The following PHF14 variants were observed in gnomAD, a reference collection of about 807,000 sequenced individuals.
The protein encoded by PHF14 is PHD finger protein 14.
A neutral mutation model predicts 117.9 loss-of-function variants in PHF14; 55 were observed. The ratio of observed to expected loss-of-function variants is 0.47; its 90% CI spans 0.38 to 0.58. The LOEUF is 0.58. Ranked by LOEUF, PHF14 falls within the 20% of genes least tolerant of loss-of-function variation. The pLI is 0.00. For missense variants in PHF14, 978 were observed against 1,122.2 expected (o/e 0.87, Z 1.84); for synonymous variants, 409 against 368.6 (o/e 1.11, Z -1.26).
At chr7:11,087,307 C>G (rs1331976188) in intron 16 of PHF14, among the ~76,000 whole-genome samples, 1 of 151,772 alleles carries the variant, frequency 6.6e-6, no homozygotes, top group Non-Finnish European at 1.5e-5. Flanking sequence ...TTTTTCTGCC[C>G]CAGCCTCCCG....
intron 14 of PHF14, among the ~76,000 whole-genome samples, chr7:11,052,211 G>GT (rs1784870439): frequency 6.6e-6 from 1 of 152,074 alleles, no homozygotes; most frequent in South Asian, 2.1e-4. Context: ...ATTTTTGTAG[G>GT]TTTTGAATTT....
intron 17 of PHF14, among the ~76,000 whole-genome samples, chr7:11,120,775 A>G (rs1787728978): frequency 6.6e-6 from 1 of 152,092 alleles, no homozygotes; most frequent in Non-Finnish European, 1.5e-5. Context: ...TTATAAGTAG[A>G]GAGAATGATA....
chr7:11,040,155 C>G (rs576982744), intron 11 of PHF14, among the ~76,000 whole-genome samples: 1 of 152,000 alleles, frequency 6.6e-6, no homozygotes, highest in African/African-American at 2.4e-5. Context: ...AGATGTGGGC[C>G]CACCAGGCCA....
chr7:11,149,438 A>G (rs886731156), intron 17 of PHF14, among the ~76,000 whole-genome samples: 5 of 151,158 alleles, frequency 3.3e-5, no homozygotes, highest in Non-Finnish European at 5.9e-5. Flanking sequence ...TCTACAGACT[A>G]AAAAAAAATG....
chr7:11,040,507 A>G (rs1784467093), intron 11 of PHF14, among the ~76,000 whole-genome samples, 165 bp from the exon 12 acceptor site: 1 of 152,128 alleles, frequency 6.6e-6, no homozygotes, highest in Non-Finnish European at 1.5e-5. Flanking sequence ...AATAACTATT[A>G]GAAAAAAGCT....
At chr7:10,997,729 A>G (rs1358726729) in intron 4 of PHF14, among the ~76,000 whole-genome samples, 2 of 152,194 alleles carry the variant, frequency 1.3e-5, no homozygotes, top group Non-Finnish European at 1.5e-5. Flanking sequence ...TCAGTTTCCT[A>G]CTGCATGGAC....
chr7:11,155,569 G>A (rs1293560232), intron 17 of PHF14, among the ~76,000 whole-genome samples: 3 of 152,008 alleles, frequency 2.0e-5, no homozygotes, highest in African/African-American at 7.2e-5. Flanking sequence ...ATGTCTCATT[G>A]CATTAGTCAT....
At chr7:11,110,209 A>T (rs1436936656) in intron 16 of PHF14, 1 of 151,858 alleles carries the variant, frequency 6.6e-6, no homozygotes, top group Non-Finnish European at 1.5e-5. Context: ...CTAAAAGGTT[A>T]TTGAATAGTA....
intron 2 of PHF14, 89 bp downstream of exon 2, chr7:10,975,034 C>T (rs898579739): frequency 1.0e-4 from 74 of 720,768 alleles, no homozygotes; most frequent in South Asian, 9.3e-4. Context: ...ATTAAAATGC[C>T]AATTTTAAGT....
chr7:10,988,642 A>C (rs145736005), intron 3 of PHF14, among the ~76,000 whole-genome samples: 4 of 150,510 alleles, frequency 2.7e-5, no homozygotes, highest in Admixed American at 6.7e-5. Context: ...GGAGCTTGCA[A>C]CTTTTCTTTT....
At chr7:10,989,527 AACTT>A (rs1361951583) in intron 3 of PHF14, among the ~76,000 whole-genome samples, 16 of 152,298 alleles carry the variant, frequency 1.1e-4, no homozygotes, top group African/African-American at 3.6e-4. Context: ...TCATTTTCTT[AACTT>A]ACTTAAAGTT....
chr7:11,124,390 G>A (rs1168885486), intron 17 of PHF14, among the ~76,000 whole-genome samples: 1 of 151,988 alleles, frequency 6.6e-6, no homozygotes, highest in Non-Finnish European at 1.5e-5. Flanking sequence ...ATTTTTAAGT[G>A]CTGTACAATT....
chr7:10,977,629 A>G (rs1207638290), intron 2 of PHF14, among the ~76,000 whole-genome samples: 1 of 152,174 alleles, frequency 6.6e-6, no homozygotes, highest in East Asian at 1.9e-4. Context: ...TTTTATTTTT[A>G]ATGCAAAAGC....
At chr7:11,151,061 A>T (rs1376961348) in intron 17 of PHF14, among the ~76,000 whole-genome samples, 1 of 152,138 alleles carries the variant, frequency 6.6e-6, no homozygotes, top group Non-Finnish European at 1.5e-5. Context: ...AAAGCAAAAT[A>T]GAATCTTAGA....
At chr7:11,058,511 T>A (rs950342767) in intron 14 of PHF14, among the ~76,000 whole-genome samples, 1 of 152,208 alleles carries the variant, frequency 6.6e-6, no homozygotes, top group African/African-American at 2.4e-5. Flanking sequence ...GAAATATTAG[T>A]AATGTGATAA....
Position 11,045,336 on chromosome 7 carries a change from C to G in PHF14, c.2312+2522C>G, listed in dbSNP as rs3823874. Among the ~76,000 whole-genome samples, 83 of 152,196 alleles carry G rather than the reference C, an allele frequency of 5.5e-4. 1 individual carries two copies. The East Asian group carries it at 0.011, about 21-fold the overall frequency. Reference sequence around the variant, plus strand: ...ATCACTAGGGTCCTGTTACTGGACTCTTATTTCATGACTGTGCCTTAGTCT... The same window carrying G: ...ATCACTAGGGTCCTGTTACTGGACTGTTATTTCATGACTGTGCCTTAGTCT... On this transcript the variant is annotated intron_variant, in intron 13 of 17. Coordinates refer to ENST00000634607, the MANE Select transcript of PHF14 (RefSeq NM_001007157.2).
At chr7:11,123,079 G>T (rs964281730) in intron 17 of PHF14, among the ~76,000 whole-genome samples, 4 of 151,946 alleles carry the variant, frequency 2.6e-5, no homozygotes, top group African/African-American at 9.7e-5. Context: ...CATTTCTTTG[G>T]TTTTTTTGAT....
chr7:11,055,767 A>G lies in PHF14; in HGVS notation c.2481+3987A>G, dbSNP rs78714121. Among the ~76,000 whole-genome samples, 826 of 152,252 alleles carry G rather than the reference A, an allele frequency of 5.4e-3. 5 individuals are homozygous for G. Among genetic ancestry groups the G allele is most frequent in the African/African-American group, 0.019 (781 of 41,554 alleles). ...TTTTAACTAATTTTACGCATATACA[A>G]AGTACCTATTTAATAATGTTTAAGC... On this transcript the variant is annotated intron_variant, in intron 14 of 17. Coordinates refer to ENST00000634607, the MANE Select transcript of PHF14 (RefSeq NM_001007157.2).
chr7:11,012,033 G>A (rs898018160), intron 4 of PHF14, among the ~76,000 whole-genome samples: 3 of 152,114 alleles, frequency 2.0e-5, no homozygotes, highest in Non-Finnish European at 4.4e-5. Context: ...TATGATTATG[G>A]ATGTGACATT....
Sources: allele counts gnomAD v4.1 joint callset (sites outside exome capture counted in the v4.1 genomes callset), GRCh38; gene constraint gnomAD v4.1.1; transcripts MANE v1.5; gene names NCBI Gene and HGNC (gene_info 2026-07-23, HGNC 2026-07-21).